The following CYTH1 variants were observed in gnomAD, a reference collection of about 807,000 sequenced individuals.
The protein encoded by CYTH1 is cytohesin 1.
Under a neutral mutation model 61.8 loss-of-function variants are expected in CYTH1, and 18 were observed. That is an observed-to-expected ratio of 0.29 (90% CI 0.20 to 0.43). The LOEUF is 0.43. CYTH1 is among the 20% of genes least tolerant of loss of function. The pLI is 1.00. For synonymous variants in CYTH1, 174 were observed against 184.3 expected, an observed-to-expected ratio of 0.94 and a Z score of 0.45; for missense variants, 336 against 510.5, an observed-to-expected ratio of 0.66 and a Z score of 3.29.
chr17:78,761,676 T>A (rs970761782), intron 1 of CYTH1, among the ~76,000 whole-genome samples: 1 of 151,954 alleles, frequency 6.6e-6, no homozygotes, highest in East Asian at 1.9e-4. Flanking sequence ...AGGCGGAGCT[T>A]GCAGTGAGAC....
chr17:78,762,324 T>C (rs1429700775), intron 1 of CYTH1, among the ~76,000 whole-genome samples: 1 of 152,164 alleles, frequency 6.6e-6, no homozygotes, highest in Non-Finnish European at 1.5e-5. Flanking sequence ...CCCCTACCTT[T>C]GAATTAGGAG....
chr17:78,698,278 A>G lies in CYTH1; in HGVS notation c.802T>C (p.Leu268=). The G allele has an allele frequency of 3.7e-6, 6 of 1,613,504 alleles. No homozygotes were observed. The highest frequency in any genetic ancestry group is 3.4e-6 in the Non-Finnish European group (4 of 1,179,776). ...TCAGAGGTGCGCTTACCGAGTTTCA[A>G]TAGCCAGCCTTCTCGGTCTGGATTG... ...FFNPDREGWL[L]KLGGGRVKTW... The change falls in exon 9 of 14, where the codon TTG becomes CTG. Residue 268 remains leucine (L), a synonymous_variant. Transcript: ENST00000446868.
At chr17:78,758,237 T>C (rs2093409558) in intron 1 of CYTH1, among the ~76,000 whole-genome samples, 1 of 152,238 alleles carries the variant, frequency 6.6e-6, no homozygotes, top group African/African-American at 2.4e-5. Flanking sequence ...TCCATCTATA[T>C]CATGCTGCCT....
rs577869826 is a variant in CYTH1 at position 78,762,069 on chromosome 17, G to A, written c.22+20133C>T. ...AAAAATAATTACCAAATAATGTTGTGCCAACATCTTCTAGAATAATAAACT... is the reference window on the plus strand; with the variant it reads ...AAAAATAATTACCAAATAATGTTGTACCAACATCTTCTAGAATAATAAACT... On this transcript the variant is annotated intron_variant, in intron 1 of 13. Coordinates refer to ENST00000446868, the MANE Select transcript of CYTH1 (RefSeq NM_004762.6). Among the ~76,000 whole-genome samples, 11 of 152,344 alleles carry A rather than the reference G, an allele frequency of 7.2e-5. No individual in the cohort carries two copies. In the South Asian group the frequency reaches 1.4e-3, roughly 20 times the overall value.
At chr17:78,771,317 A>AT (rs1242941108) in intron 1 of CYTH1, among the ~76,000 whole-genome samples, 1 of 152,114 alleles carries the variant, frequency 6.6e-6, no homozygotes, top group Non-Finnish European at 1.5e-5. Flanking sequence ...GCACATGCCT[A>AT]TAATCCCAGC....
At chr17:78,761,234 C>T (rs557905222) in intron 1 of CYTH1, among the ~76,000 whole-genome samples, 263 of 152,312 alleles carry the variant, frequency 1.7e-3, no homozygotes, top group Non-Finnish European at 2.9e-3. Flanking sequence ...TGAGTCCCAA[C>T]TCAAGAGGTT....
intron 13 of CYTH1, 86 bp downstream of exon 13, chr17:78,680,104 G>C: frequency 1.3e-6 from 2 of 1,518,980 alleles, no homozygotes; most frequent in Admixed American, 1.9e-5. Flanking sequence ...AGATGCGGGC[G>C]GCATGTTTAA....
Position 78,698,382 on chromosome 17 carries a change from T to C in CYTH1, c.700-2A>G. 1 of 1,602,808 alleles carries C rather than the reference T, an allele frequency of 6.2e-7. No individual in the cohort carries two copies. Among genetic ancestry groups the C allele is most frequent in the Non-Finnish European group, 8.5e-7 (1 of 1,170,906 alleles). On this transcript the variant is annotated splice_acceptor_variant, in intron 8 of 13. Coordinates refer to ENST00000446868, the MANE Select transcript of CYTH1 (RefSeq NM_004762.6). LOFTEE classifies it high-confidence loss of function. ...ATTTTTTATGCTCTCATAGAGATTCTGGGATAAAAGATGACAATTTATGTC... is the reference window on the plus strand; with the variant it reads ...ATTTTTTATGCTCTCATAGAGATTCCGGGATAAAAGATGACAATTTATGTC...
chr17:78,755,854 T>A (rs1012663132), intron 1 of CYTH1, among the ~76,000 whole-genome samples: 1 of 150,550 alleles, frequency 6.6e-6, no homozygotes, highest in African/African-American at 2.4e-5. Context: ...GAGGTTGCAG[T>A]GAGCTGTGTT....
chr17:78,755,491 T>A (rs371438296), intron 1 of CYTH1, among the ~76,000 whole-genome samples: 6 of 129,842 alleles, frequency 4.6e-5, no homozygotes, highest in Non-Finnish European at 4.7e-5. Flanking sequence ...TGGGTTTATT[T>A]AAAAAAAAAA....
chr17:78,701,723 C>G lies in CYTH1; in HGVS notation c.385G>C (p.Ala129Pro), dbSNP rs1250363765. The change falls in exon 6 of 14, where the codon GCA (alanine) becomes CCA (proline). Residue 129 changes from alanine to proline, a missense_variant. This residue lies in a region of CYTH1 where 125 missense variants were observed against 209.9 expected (regional missense o/e 0.60). Transcript: ENST00000446868. The stretch of plus-strand genomic sequence containing the variant: ...GTGAACTCATGCAGCTCCACAAATG[C>G]ATGAAGAACCTGGATATTAAACTCA... ...RDEFNIQVLHAFVELHEFTDL... is the reference protein window; with the variant it reads ...RDEFNIQVLHPFVELHEFTDL... 1 of 1,614,046 alleles carries G rather than the reference C, an allele frequency of 6.2e-7. No individual in the cohort carries two copies. Among genetic ancestry groups the G allele is most frequent in the Non-Finnish European group, 8.5e-7 (1 of 1,180,032 alleles).
intron 8 of CYTH1, 53 bp from the exon 9 acceptor site, chr17:78,698,433 C>T (rs1187539273): frequency 2.1e-6 from 3 of 1,408,986 alleles, no homozygotes; most frequent in African/African-American, 1.4e-5. Context: ...ATTTTTTCCT[C>T]CTCCCCTTTC....
intron 1 of CYTH1, among the ~76,000 whole-genome samples, chr17:78,745,812 A>G (rs2093357481): frequency 6.6e-6 from 1 of 152,202 alleles, no homozygotes; most frequent in African/African-American, 2.4e-5. Flanking sequence ...GAATTGCTTC[A>G]ATCCAGGAGG....
Position 78,721,483 on chromosome 17 carries a change from C to G in CYTH1, c.23-11751G>C, listed in dbSNP as rs1306448501. Among the ~76,000 whole-genome samples, 6 of 152,350 alleles carry G rather than the reference C, an allele frequency of 3.9e-5. No individual in the cohort carries two copies. In the East Asian group the frequency reaches 9.6e-4, roughly 24 times the overall value. ...ATTTAGACTATTCTAATTTAAATTT[C>G]TTCCATGCAAAAACTACCCAGTTTC... On this transcript the variant is annotated intron_variant, in intron 1 of 13. Transcript: ENST00000446868.
intron 1 of CYTH1, among the ~76,000 whole-genome samples, chr17:78,760,549 A>G (rs530639887): frequency 1.3e-4 from 5 of 39,132 alleles, no homozygotes; most frequent in East Asian, 5.0e-4. Context: ...ATATATGTAT[A>G]TATATATGTA....
intron 8 of CYTH1, among the ~76,000 whole-genome samples, 184 bp downstream of exon 8, chr17:78,698,636 G>A (rs2092972399): frequency 6.6e-6 from 1 of 152,156 alleles, no homozygotes. Flanking sequence ...ACAAACCACT[G>A]TCCCCTCCCT....
At chr17:78,739,134 T>C (rs979421402) in intron 1 of CYTH1, among the ~76,000 whole-genome samples, 7 of 152,278 alleles carry the variant, frequency 4.6e-5, no homozygotes, top group African/African-American at 1.7e-4. Context: ...ACCTTTCTAT[T>C]GCTTATCATT....
At chr17:78,771,721 T>C (rs7208918) in intron 1 of CYTH1, among the ~76,000 whole-genome samples, 79,699 of 146,786 alleles carry the variant, frequency 0.54, 21,706 homozygotes, top group East Asian at 0.61. Flanking sequence ...CAGAGCGAGA[T>C]TCCATCTTAA....
chr17:78,781,198 CATTAGTT>C (rs1567891268), intron 1 of CYTH1, among the ~76,000 whole-genome samples: 1 of 148,336 alleles, frequency 6.7e-6, no homozygotes, highest in Non-Finnish European at 1.5e-5. Flanking sequence ...AAAAATGTCC[CATTAGTT>C]ATTAAACTAG....
Sources: allele counts gnomAD v4.1 joint callset (sites outside exome capture counted in the v4.1 genomes callset), GRCh38; gene constraint gnomAD v4.1.1; regional missense constraint gnomAD v4.1.1; transcripts MANE v1.5; gene names NCBI Gene and HGNC (gene_info 2026-07-23, HGNC 2026-07-21).